Variants in PCDH15 observed in about 807,000 individuals in gnomAD.
PCDH15 encodes protocadherin related 15.
PCDH15 carries 129 observed loss-of-function variants against 178.5 expected under a neutral mutation model. The observed-to-expected ratio is 0.72, with a 90% confidence interval of 0.63 to 0.84. The LOEUF (loss-of-function observed/expected upper bound fraction) is 0.84, where lower values mean the gene tolerates loss of function less well. Among genes scored for constraint, PCDH15 ranks in the 40% least tolerant of loss-of-function variants. The pLI, the probability that PCDH15 is intolerant of heterozygous loss-of-function variation, is 0.00. For missense variants in PCDH15, 2,230 were observed against 2,099.9 expected (o/e 1.06, Z -1.21); for synonymous variants, 800 against 732.0 (o/e 1.09, Z -1.50).
intron 1 of PCDH15, among the ~76,000 whole-genome samples, chr10:55,315,623 C>T (rs1026101463): frequency 1.3e-5 from 2 of 152,134 alleles, no homozygotes; most frequent in Non-Finnish European, 2.9e-5. Context: ...ACTCATCAAC[C>T]TTGCTTTTTT....
chr10:54,443,175 A>AT lies in PCDH15; in HGVS notation c.158-64234dup, dbSNP rs905726884. On this transcript the variant is annotated intron_variant, in intron 3 of 37. Coordinates refer to ENST00000644397, the MANE Select transcript of PCDH15 (RefSeq NM_001384140.1). ...TCCAGCCTTTATGAAAATAGCAGCA[A>AT]TTTTTTTTCCTTTCTTTGCCTATGT... Among the ~76,000 whole-genome samples the AT allele has an allele frequency of 1.4e-4, 21 of 151,490 alleles. No homozygotes were observed. In the South Asian group the frequency reaches 4.0e-3, roughly 29 times the overall value.
intron 2 of PCDH15, among the ~76,000 whole-genome samples, chr10:55,051,286 A>C (rs368173489): frequency 6.6e-6 from 1 of 152,186 alleles, no homozygotes; most frequent in Non-Finnish European, 1.5e-5. Flanking sequence ...ATGTTATAGC[A>C]TACAGAAATA....
At chr10:54,438,506 T>C (rs2075585249) in intron 3 of PCDH15, among the ~76,000 whole-genome samples, 2 of 152,030 alleles carry the variant, frequency 1.3e-5, no homozygotes, top group Admixed American at 6.6e-5. Context: ...AGCATATTCA[T>C]TCACCTAAAG....
In PCDH15 at chr10:53,940,988, A is replaced by C; in HGVS notation, c.3123-13T>G. On this transcript the variant is annotated splice_polypyrimidine_tract_variant and intron_variant, in intron 23 of 37. Transcript: ENST00000644397. Reference sequence around the variant, plus strand: ...TACTGGAGGAGGTCTGCAGGTTTAGAGAAGATGATGTATTTATTTTTAAAT... The same window carrying C: ...TACTGGAGGAGGTCTGCAGGTTTAGCGAAGATGATGTATTTATTTTTAAAT... 2.0e-6 allele frequency: 3 copies of C among 1,508,646 alleles called. No homozygotes were observed. The highest frequency in any genetic ancestry group is 2.8e-6 in the Non-Finnish European group (3 of 1,084,330). The allele number at this position is 1,508,646 out of a possible 1,614,324, so 93.5% of individuals were successfully genotyped here.
intron 1 of PCDH15, among the ~76,000 whole-genome samples, chr10:55,283,448 G>A (rs1371095235): frequency 6.6e-6 from 1 of 151,908 alleles, no homozygotes; most frequent in Non-Finnish European, 1.5e-5. Context: ...AGCTCTGCAT[G>A]AATTAAACTC....
At chr10:55,101,344 G>T (rs1396321216) in intron 2 of PCDH15, among the ~76,000 whole-genome samples, 3 of 151,566 alleles carry the variant, frequency 2.0e-5, no homozygotes, top group African/African-American at 7.3e-5. Flanking sequence ...AGCTGAGATT[G>T]TGCCACTGCA....
chr10:54,308,158 T>A (rs59606178), intron 8 of PCDH15, among the ~76,000 whole-genome samples: 4,238 of 152,166 alleles, frequency 0.028, 188 homozygotes, highest in African/African-American at 0.097. Context: ...ATGGTAAACA[T>A]CTTTGCAAAT....
rs572629527 is a variant in PCDH15, at chr10:53,827,459, G to T, written c.4301C>A (p.Ala1434Glu). 1 of 1,613,634 alleles carries T rather than the reference G, an allele frequency of 6.2e-7. No individual in the cohort carries two copies. The highest frequency in any genetic ancestry group is 2.2e-5 in the East Asian group (1 of 44,860). ...CGGAGGCGGCGGCGGCGGCGGGGGC[G>T]CTGCCACTGGTGCAGGAGCCGGCAC... The part of the protein sequence containing the change: ...PAVPAPAPVA[A>E]PPPPPPPPPG... Residue 1434 changes from alanine (A) to glutamate (E), a missense_variant, in exon 32 of 38, where the codon GCG becomes GAG. Ala to Glu is a moderately radical substitution (Grantham distance 107, BLOSUM62 -1). Coordinates refer to ENST00000644397, the MANE Select transcript of PCDH15 (RefSeq NM_001384140.1).
Position 55,062,260 on chromosome 10 carries a change from G to A in PCDH15, c.-80+104316C>T, listed in dbSNP as rs564406316. On this transcript the variant is annotated intron_variant, in intron 2 of 5. Coordinates refer to the PCDH15 transcript ENST00000458638. ...AACTCTTTTGTCCTTTCCACCATAT[G>A]AAGACACAATGAGAAAGTACTCTCT... Among the ~76,000 whole-genome samples, 39 of 152,256 alleles carry A rather than the reference G, an allele frequency of 2.6e-4. No homozygotes were observed. In the South Asian group the frequency reaches 4.1e-3, roughly 16 times the overall value.
chr10:54,893,655 T>G (rs1954501509), intron 3 of PCDH15, among the ~76,000 whole-genome samples: 1 of 152,064 alleles, frequency 6.6e-6, no homozygotes, highest in African/African-American at 2.4e-5. Flanking sequence ...TAACAAATAC[T>G]GAAAAAGAGT....
At position 55,292,879 on chromosome 10, in the gene PCDH15, G is replaced by A. The variant is rs142560091; in HGVS notation, c.-156+26720C>T. Among the ~76,000 whole-genome samples the A allele has an allele frequency of 3.2e-3, 483 of 152,304 alleles. 2 individuals carry two copies. Among genetic ancestry groups the A allele is most frequent in the African/African-American group, 0.011 (460 of 41,566 alleles). On this transcript the variant is annotated intron_variant, in intron 1 of 5. Transcript: ENST00000458638. ...AAGCTTTTCCAGGCAAACAGTGCAA[G>A]CTGTAAGTAAATCTGCAATTCTGGG... is the stretch of plus-strand genomic sequence containing the variant.
At chr10:54,920,415 G>C (rs1374049234) in intron 2 of PCDH15, among the ~76,000 whole-genome samples, 1 of 136,848 alleles carries the variant, frequency 7.3e-6, no homozygotes, top group Non-Finnish European at 1.5e-5. Context: ...CTTGCAGTGA[G>C]CCGAGATCGC....
intron 3 of PCDH15, among the ~76,000 whole-genome samples, chr10:54,483,891 C>A (rs946053397): frequency 9.2e-5 from 14 of 151,934 alleles, no homozygotes; most frequent in African/African-American, 3.4e-4. Flanking sequence ...TGATGATGTT[C>A]AGATTTCAGT....
At chr10:54,919,294 A>G (rs16906692) in intron 2 of PCDH15, among the ~76,000 whole-genome samples, 8,650 of 152,088 alleles carry the variant, frequency 0.057, 784 homozygotes, top group African/African-American at 0.19. Context: ...TTCTGTTCTC[A>G]TTTTATAGGT....
At chr10:54,235,997 T>C (rs999491772) in intron 9 of PCDH15, among the ~76,000 whole-genome samples, 1 of 152,194 alleles carries the variant, frequency 6.6e-6, no homozygotes, top group African/African-American at 2.4e-5. Flanking sequence ...TTTGCAAATC[T>C]AATATCTGTT....
intron 18 of PCDH15, among the ~76,000 whole-genome samples, chr10:54,062,227 C>CAAAAAAAAAAAAAAAAAAA (rs72361686): frequency 1.9e-4 from 10 of 53,824 alleles, no homozygotes; most frequent in Non-Finnish European, 2.6e-4. Context: ...GATTCTGTCT[C>CAAAAAAAAAAAAAAAAAAA]AAAAAAAAAA....
intron 2 of PCDH15, among the ~76,000 whole-genome samples, chr10:55,403,092 A>G (rs934419395): frequency 6.6e-6 from 1 of 151,992 alleles, no homozygotes; most frequent in Non-Finnish European, 1.5e-5. Context: ...CTGTTAACGG[A>G]TTGAATGTCT....
intron 9 of PCDH15, among the ~76,000 whole-genome samples, chr10:54,235,391 G>C (rs1241167497): frequency 1.3e-5 from 2 of 152,160 alleles, no homozygotes; most frequent in Admixed American, 1.3e-4. Context: ...ACTTTTAAAA[G>C]TGAAATAAAC....
intron 2 of PCDH15, among the ~76,000 whole-genome samples, chr10:55,528,400 C>T (rs924182254): frequency 6.6e-6 from 1 of 151,892 alleles, no homozygotes; most frequent in Non-Finnish European, 1.5e-5. Context: ...AAACAGGCCC[C>T]AGTGTGTGAT....
Sources: gnomAD v4.1 joint callset for allele counts (sites outside exome capture counted in the v4.1 genomes callset) on GRCh38, gnomAD v4.1.1 for gene constraint, MANE v1.5 for transcripts, NCBI Gene and HGNC (gene_info 2026-07-23, HGNC 2026-07-21) for gene names.